The following CTNNA2 variants were observed in gnomAD, a reference collection of about 807,000 sequenced individuals.
The protein encoded by CTNNA2 is catenin alpha 2.
Under a neutral mutation model 101.0 loss-of-function variants are expected in CTNNA2, and 42 were observed. The observed-to-expected ratio is 0.42, with a 90% CI of 0.32 to 0.54. The LOEUF (loss-of-function observed/expected upper bound fraction) is 0.54, where lower values mean the gene tolerates loss of function less well. Among genes scored for constraint, CTNNA2 ranks in the 20% least tolerant of loss-of-function variants. CTNNA2 has a pLI of 0.14. For missense variants in CTNNA2, 871 were observed against 1,223.1 expected (o/e 0.71, Z 4.29); for synonymous variants, 450 against 456.4 (o/e 0.99, Z 0.18).
chr2:79,655,932 A>G (rs926266528), intron 2 of CTNNA2, among the ~76,000 whole-genome samples: 2 of 152,202 alleles, frequency 1.3e-5, no homozygotes, highest in Non-Finnish European at 2.9e-5. Flanking sequence ...TCTCAAATTA[A>G]GGACAGTGAA....
chr2:79,273,890 A>G (rs371829311), intron 2 of CTNNA2, among the ~76,000 whole-genome samples: 11 of 151,922 alleles, frequency 7.2e-5, no homozygotes, highest in Non-Finnish European at 1.3e-4. Context: ...TTCACAATTC[A>G]TGCCTTGTCA....
chr2:79,493,428 C>CA (rs1311593867), intron 4 of CTNNA2, among the ~76,000 whole-genome samples: 5 of 152,176 alleles, frequency 3.3e-5, no homozygotes, highest in Non-Finnish European at 5.9e-5. Context: ...CCAGCCTGGC[C>CA]AATATGGTGA....
chr2:80,273,450 A>T (rs1464605295), intron 7 of CTNNA2, among the ~76,000 whole-genome samples: 1 of 152,060 alleles, frequency 6.6e-6, no homozygotes, highest in Non-Finnish European at 1.5e-5. Flanking sequence ...TTGCCCTTTC[A>T]GTTTACTCCC....
At chr2:80,038,067 G>GA (rs11346916) in intron 7 of CTNNA2, among the ~76,000 whole-genome samples, 3 of 151,014 alleles carry the variant, frequency 2.0e-5, no homozygotes, top group Admixed American at 1.3e-4. Flanking sequence ...TTTGAAAATT[G>GA]AAAAAAAAAA....
intron 9 of CTNNA2, among the ~76,000 whole-genome samples, chr2:80,534,903 A>C (rs141855209): frequency 2.6e-5 from 4 of 152,038 alleles, no homozygotes; most frequent in African/African-American, 9.7e-5. Context: ...AACATTGGAG[A>C]CTCCCCTAAA....
At chr2:79,541,236 A>G (rs1174937717) in intron 1 of CTNNA2, among the ~76,000 whole-genome samples, 1 of 151,482 alleles carries the variant, frequency 6.6e-6, no homozygotes. Flanking sequence ...ACACACACAC[A>G]AGAATAATTT....
At chr2:79,371,177 T>C (rs1199379901) in intron 3 of CTNNA2, among the ~76,000 whole-genome samples, 1 of 152,066 alleles carries the variant, frequency 6.6e-6, no homozygotes, top group African/African-American at 2.4e-5. Context: ...CTTGGGACTT[T>C]TATTAGACAA....
intron 7 of CTNNA2, among the ~76,000 whole-genome samples, chr2:80,165,571 C>G (rs1356209269): frequency 6.6e-6 from 1 of 152,084 alleles, no homozygotes; most frequent in African/African-American, 2.4e-5. Context: ...GTCTAGAAGT[C>G]TCTGTTGACA....
intron 2 of CTNNA2, among the ~76,000 whole-genome samples, chr2:79,242,899 T>C (rs923574700): frequency 4.0e-5 from 6 of 150,956 alleles, no homozygotes; most frequent in Non-Finnish European, 8.8e-5. Context: ...GGGGGGAGTA[T>C]GAGGCTGCAA....
At chr2:80,572,243 A>G (rs758566866) in intron 12 of CTNNA2, among the ~76,000 whole-genome samples, 1 of 152,150 alleles carries the variant, frequency 6.6e-6, no homozygotes, top group Non-Finnish European at 1.5e-5. Flanking sequence ...TATTTCTCTG[A>G]TTATGGGTGA....
intron 7 of CTNNA2, among the ~76,000 whole-genome samples, chr2:80,391,522 G>A (rs984882817): frequency 2.0e-5 from 3 of 152,134 alleles, no homozygotes; most frequent in African/African-American, 7.2e-5. Context: ...AAATGAATAG[G>A]CCACAGGAAA....
intron 9 of CTNNA2, among the ~76,000 whole-genome samples, chr2:80,459,929 G>A (rs547905037): frequency 6.6e-6 from 1 of 152,200 alleles, no homozygotes; most frequent in African/African-American, 2.4e-5. Context: ...TTCTCATAGT[G>A]TTCAATTTCC....
intron 7 of CTNNA2, among the ~76,000 whole-genome samples, chr2:80,226,739 A>G (rs1708910010): frequency 6.6e-6 from 1 of 152,072 alleles, no homozygotes; most frequent in South Asian, 2.1e-4. Flanking sequence ...AACCTACTTC[A>G]TGACTCTGGG....
In CTNNA2 at chr2:80,580,135, A is replaced by G. The variant is rs1369204884; in HGVS notation, c.1894-1571A>G. On this transcript the variant is annotated intron_variant, in intron 13 of 18. Coordinates refer to ENST00000402739, the MANE Select transcript of CTNNA2 (RefSeq NM_001282597.3). ...CTCATGCCTCAGTTTTCCTACCTGGAAAATGGAGAAAATAATGTCTACATC... is the reference window on the plus strand; with the variant it reads ...CTCATGCCTCAGTTTTCCTACCTGGGAAATGGAGAAAATAATGTCTACATC... 6.6e-5 allele frequency among the ~76,000 whole-genome samples: 10 copies of G among 152,324 alleles called. No homozygotes were observed. The East Asian group carries it at 1.7e-3, about 26-fold the overall frequency.
intron 4 of CTNNA2, among the ~76,000 whole-genome samples, chr2:79,859,844 C>A (rs1167590454): frequency 6.6e-6 from 1 of 152,118 alleles, no homozygotes; most frequent in East Asian, 1.9e-4. Context: ...TGCCATCTGT[C>A]TGGTAACCTA....
chr2:79,766,731 TTTGTC>T (rs1233904643), intron 3 of CTNNA2, among the ~76,000 whole-genome samples: 4 of 151,984 alleles, frequency 2.6e-5, no homozygotes, highest in African/African-American at 9.7e-5. Flanking sequence ...TCTTTTTTCT[TTTGTC>T]TTCTCTGACT....
chr2:79,386,959 G>A (rs774915633), intron 4 of CTNNA2, among the ~76,000 whole-genome samples: 5 of 152,182 alleles, frequency 3.3e-5, no homozygotes, highest in African/African-American at 7.2e-5. Context: ...GGCCACTGAT[G>A]TGTGGATGCC....
At chr2:79,792,916 A>C (rs549507623) in intron 3 of CTNNA2, among the ~76,000 whole-genome samples, 1 of 152,350 alleles carries the variant, frequency 6.6e-6, no homozygotes, top group Non-Finnish European at 1.5e-5. Context: ...TAATTTTATA[A>C]GTCATTTATT....
At chr2:80,432,773 C>G (rs1313796507) in intron 9 of CTNNA2, among the ~76,000 whole-genome samples, 5 of 152,162 alleles carry the variant, frequency 3.3e-5, no homozygotes, top group African/African-American at 1.2e-4. Flanking sequence ...ATCACCTTCC[C>G]TTACCCACAC....
Sources: gnomAD v4.1 joint callset for allele counts (sites outside exome capture counted in the v4.1 genomes callset) on GRCh38, gnomAD v4.1.1 for gene constraint, MANE v1.5 for transcripts, NCBI Gene and HGNC (gene_info 2026-07-23, HGNC 2026-07-21) for gene names.